Variants in ATP5PB observed in about 807,000 individuals in gnomAD.
ATP5PB encodes ATP synthase peripheral stalk subunit b, mitochondrial.
A neutral mutation model predicts 34.5 loss-of-function variants in ATP5PB; 21 were observed. That is an observed-to-expected ratio of 0.61 (90% CI 0.43 to 0.88). The LOEUF (loss-of-function observed/expected upper bound fraction) is 0.88. Ranked by LOEUF, ATP5PB falls within the 40% of genes least tolerant of loss-of-function variation. ATP5PB has a pLI of 0.00. For synonymous variants in ATP5PB, 108 were observed against 114.1 expected, an observed-to-expected ratio of 0.95 and a Z score of 0.34; for missense variants, 293 against 317.4, an observed-to-expected ratio of 0.92 and a Z score of 0.58.
At chr1:111,449,809 T>A in intron 1 of ATP5PB, 28 bp from the exon 2 acceptor site, 1 of 1,614,178 alleles carries the variant, frequency 6.2e-7, no homozygotes. Flanking sequence ...CATTTGACTT[T>A]GCTGACCTTC....
chr1:111,457,170 G>A (rs931539457), intron 5 of ATP5PB, among the ~76,000 whole-genome samples: 1 of 152,138 alleles, frequency 6.6e-6, no homozygotes, highest in Non-Finnish European at 1.5e-5. Flanking sequence ...AAAGCAGGCA[G>A]GGCACAGTGG....
At chr1:111,449,663 C>A (rs1201718410) in intron 1 of ATP5PB, 82 bp downstream of exon 1, 2 of 1,547,048 alleles carry the variant, frequency 1.3e-6, no homozygotes, top group South Asian at 1.2e-5. Context: ...GGGAGAAGGG[C>A]GCAGCGACAC....
chr1:111,455,151 AT>A (rs1192201879), intron 3 of ATP5PB, among the ~76,000 whole-genome samples: 2 of 151,290 alleles, frequency 1.3e-5, no homozygotes, highest in East Asian at 3.9e-4. Flanking sequence ...GAAACCGAAG[AT>A]TGTTTTTTTT....
chr1:111,458,635 A>G (rs1653534388), intron 5 of ATP5PB, among the ~76,000 whole-genome samples: 1 of 152,168 alleles, frequency 6.6e-6, no homozygotes, highest in Non-Finnish European at 1.5e-5. Flanking sequence ...GGCTCCTATA[A>G]GAACTTTGAC....
At chr1:111,460,181 C>T (rs1006254283) in intron 6 of ATP5PB, among the ~76,000 whole-genome samples, 1 of 152,122 alleles carries the variant, frequency 6.6e-6, no homozygotes, top group African/African-American at 2.4e-5. Context: ...AAATAAAAGA[C>T]TGAACAAGGC....
At chr1:111,456,032 T>C in intron 3 of ATP5PB, 54 bp from the exon 4 acceptor site, 7 of 1,378,180 alleles carry the variant, frequency 5.1e-6, no homozygotes, top group Non-Finnish European at 5.8e-6. Context: ...CTTTCTATCT[T>C]CCCTCTTTTA....
Position 111,460,436 on chromosome 1 carries a change from GTT to G in ATP5PB, c.694-466_694-465del, listed in dbSNP as rs532728250. 6.4e-3 allele frequency among the ~76,000 whole-genome samples: 810 copies of G among 125,838 alleles called. 8 individuals carry two copies. The highest frequency in any genetic ancestry group is 0.021 in the African/African-American group (765 of 35,776). 82.6% of individuals were successfully genotyped at this position (125,838 alleles called of 152,430 possible). A position where few individuals can be genotyped will look rare whatever the true frequency, so the allele number is the denominator to read the frequency against. Reference sequence around the variant, plus strand: ...GATTAGAAAAACAGTGTCTATCAAAGTTTTTTTTTTTTTTTTGATAAACTTTT... The same window carrying G: ...GATTAGAAAAACAGTGTCTATCAAAGTTTTTTTTTTTTTTGATAAACTTTT... On this transcript the variant is annotated intron_variant, in intron 6 of 6. Coordinates refer to ENST00000369722, the MANE Select transcript of ATP5PB (RefSeq NM_001688.5).
chr1:111,454,428 T>C, intron 3 of ATP5PB, 72 bp downstream of exon 3: 1 of 1,508,256 alleles, frequency 6.6e-7, no homozygotes, highest in Non-Finnish European at 8.8e-7. Context: ...GTGGGTTTTC[T>C]TCTTTGGTTT....
At chr1:111,455,618 A>G (rs1653449475) in intron 3 of ATP5PB, among the ~76,000 whole-genome samples, 1 of 152,236 alleles carries the variant, frequency 6.6e-6, no homozygotes, top group African/African-American at 2.4e-5. Context: ...CCTTTTATAT[A>G]CATATCACTT....
intron 2 of ATP5PB, among the ~76,000 whole-genome samples, chr1:111,451,076 C>G (rs1305487907): frequency 6.6e-6 from 1 of 152,142 alleles, no homozygotes; most frequent in Non-Finnish European, 1.5e-5. Context: ...ATTCTTGTCC[C>G]ATTACAGCCC....
At chr1:111,459,904 C>T (rs559735603) in intron 6 of ATP5PB, among the ~76,000 whole-genome samples, 2 of 152,264 alleles carry the variant, frequency 1.3e-5, no homozygotes, top group East Asian at 3.9e-4. Context: ...GTGGCTCACA[C>T]CTGTAATCCC....
chr1:111,455,853 ATTAT>A (rs1653456107), intron 3 of ATP5PB, among the ~76,000 whole-genome samples: 1 of 152,204 alleles, frequency 6.6e-6, no homozygotes, highest in African/African-American at 2.4e-5. Flanking sequence ...AAATTCAGAG[ATTAT>A]TTAGATTGCT....
At chr1:111,458,263 T>G (rs923768952) in intron 5 of ATP5PB, among the ~76,000 whole-genome samples, 1 of 152,200 alleles carries the variant, frequency 6.6e-6, no homozygotes, top group Non-Finnish European at 1.5e-5. Flanking sequence ...CTCAGCACTT[T>G]GGGAGGCCAA....
intron 1 of ATP5PB, 117 bp from the exon 2 acceptor site, chr1:111,449,720 G>T: frequency 6.4e-7 from 1 of 1,570,284 alleles, no homozygotes; most frequent in Non-Finnish European, 8.7e-7. Context: ...GGAGCGTGGG[G>T]TCTTGAGGGA....
Sources: allele counts gnomAD v4.1 joint callset (sites outside exome capture counted in the v4.1 genomes callset), GRCh38; gene constraint gnomAD v4.1.1; transcripts MANE v1.5; gene names NCBI Gene and HGNC (gene_info 2026-07-23, HGNC 2026-07-21).